The following MACROD2 variants were observed in gnomAD, a reference collection of about 807,000 sequenced individuals.
MACROD2 encodes the protein mono-ADP ribosylhydrolase 2, also known as ADP-ribose glycohydrolase MACROD2.
In MACROD2, 36 loss-of-function variants were observed where a neutral mutation model predicts 70.4. The ratio of observed to expected loss-of-function variants is 0.51; its 90% confidence interval spans 0.39 to 0.68. The LOEUF (loss-of-function observed/expected upper bound fraction) is 0.68. Among genes scored for constraint, MACROD2 ranks in the 30% least tolerant of loss-of-function variants. The pLI is 0.00. For missense variants in MACROD2, 496 were observed against 538.4 expected, an observed-to-expected ratio of 0.92 and a Z score of 0.78; for synonymous variants, 172 against 178.8, an observed-to-expected ratio of 0.96 and a Z score of 0.30.
At chr20:15,072,296 G>A (rs900080106) in intron 5 of MACROD2, among the ~76,000 whole-genome samples, 2 of 152,056 alleles carry the variant, frequency 1.3e-5, no homozygotes, top group African/African-American at 4.8e-5. Context: ...GCTTAGAATT[G>A]GCCTGGTATT....
chr20:14,943,964 A>G (rs2074410223), intron 5 of MACROD2, among the ~76,000 whole-genome samples: 1 of 152,160 alleles, frequency 6.6e-6, no homozygotes, highest in South Asian at 2.1e-4. Context: ...ACCATTCAGT[A>G]ATTTTACTAT....
chr20:14,767,269 G>A (rs1176414404), intron 5 of MACROD2, among the ~76,000 whole-genome samples: 1 of 151,990 alleles, frequency 6.6e-6, no homozygotes, highest in Non-Finnish European at 1.5e-5. Flanking sequence ...TTAAAATATA[G>A]TTGCCATGGT....
At chr20:14,771,320 G>A (rs2072162224) in intron 5 of MACROD2, among the ~76,000 whole-genome samples, 1 of 151,952 alleles carries the variant, frequency 6.6e-6, no homozygotes, top group East Asian at 1.9e-4. Flanking sequence ...TATTGGCTTT[G>A]CTTCTATGGA....
intron 5 of MACROD2, among the ~76,000 whole-genome samples, chr20:14,862,013 A>G (rs1320347663): frequency 3.9e-5 from 1 of 25,904 alleles, no homozygotes; most frequent in African/African-American, 1.7e-4. Context: ...ATTTATATAT[A>G]TATATTTATA....
At chr20:15,594,335 G>T (rs1167638165) in intron 8 of MACROD2, among the ~76,000 whole-genome samples, 2 of 152,020 alleles carry the variant, frequency 1.3e-5, no homozygotes, top group Non-Finnish European at 2.9e-5. Context: ...GAATTCCATG[G>T]TGTGGAATCT....
intron 5 of MACROD2, among the ~76,000 whole-genome samples, chr20:14,929,767 A>T (rs927586957): frequency 6.6e-6 from 1 of 152,088 alleles, no homozygotes; most frequent in African/African-American, 2.4e-5. Flanking sequence ...AGAGTAACAG[A>T]AGATGCTCTT....
At chr20:14,095,847 T>C (rs560922307) in intron 3 of MACROD2, among the ~76,000 whole-genome samples, 13 of 152,206 alleles carry the variant, frequency 8.5e-5, no homozygotes, top group Admixed American at 2.0e-4. Context: ...TCTGGAAACA[T>C]GGCCTACTGA....
chr20:15,258,309 G>T (rs978776104), intron 6 of MACROD2, among the ~76,000 whole-genome samples: 2 of 151,916 alleles, frequency 1.3e-5, no homozygotes, highest in Non-Finnish European at 2.9e-5. Context: ...TAATGTGTGA[G>T]GCCTTCACAC....
chr20:14,609,484 C>A, intron 4 of MACROD2, among the ~76,000 whole-genome samples: 1 of 151,954 alleles, frequency 6.6e-6, no homozygotes, highest in East Asian at 1.9e-4. Context: ...ACTTCTTTCC[C>A]CTTTTGTGTC....
At chr20:14,930,023 G>A (rs931706135) in intron 5 of MACROD2, among the ~76,000 whole-genome samples, 17 of 151,950 alleles carry the variant, frequency 1.1e-4, no homozygotes, top group Admixed American at 2.6e-4. Flanking sequence ...TTAGCCGGGC[G>A]TGGTGGCGGG....
Position 15,574,791 on chromosome 20 carries a change from A to C in MACROD2, c.645+74944A>C, listed in dbSNP as rs75326751. Among the ~76,000 whole-genome samples, 22 of 152,316 alleles carry C rather than the reference A, an allele frequency of 1.4e-4. No homozygotes were observed. The East Asian group carries it at 4.2e-3, about 29-fold the overall frequency. ...ATCTGAAGATGAAATGAATTTCATA[A>C]CTGGAAAATCCAGTTATCAGGCATG... On this transcript the variant is annotated intron_variant, in intron 8 of 17. Transcript: ENST00000684519.
At chr20:14,909,318 A>G (rs1014974576) in intron 5 of MACROD2, among the ~76,000 whole-genome samples, 4 of 152,110 alleles carry the variant, frequency 2.6e-5, no homozygotes, top group Admixed American at 6.5e-5. Context: ...GGTTAAGTGA[A>G]AGAATGGAGA....
chr20:14,040,962 T>C (rs1006058247), intron 2 of MACROD2, among the ~76,000 whole-genome samples: 8 of 152,128 alleles, frequency 5.3e-5, no homozygotes, highest in Non-Finnish European at 1.2e-4. Context: ...TTAGAAGGAG[T>C]ATACTTTGTT....
chr20:15,328,426 AT>A, intron 6 of MACROD2, among the ~76,000 whole-genome samples: 1 of 152,234 alleles, frequency 6.6e-6, no homozygotes, highest in East Asian at 1.9e-4. Flanking sequence ...AAACACTCTG[AT>A]TTATGTTTTC....
At chr20:14,245,058 G>A (rs188262709) in intron 3 of MACROD2, among the ~76,000 whole-genome samples, 32 of 152,162 alleles carry the variant, frequency 2.1e-4, no homozygotes, top group Non-Finnish European at 7.4e-5. Context: ...CTAAGACTAC[G>A]GAAGCTAACA....
intron 4 of MACROD2, among the ~76,000 whole-genome samples, chr20:14,569,916 A>C (rs535791050): frequency 6.6e-6 from 1 of 152,032 alleles, no homozygotes; most frequent in Non-Finnish European, 1.5e-5. Context: ...AGGAACTGAG[A>C]TTCTTTTCCT....
chr20:14,742,773 A>T (rs573404330), intron 5 of MACROD2, among the ~76,000 whole-genome samples: 269 of 146,540 alleles, frequency 1.8e-3, no homozygotes, highest in East Asian at 0.013. Flanking sequence ...ATTTTATTTT[A>T]TTTTTTTTTT....
intron 8 of MACROD2, among the ~76,000 whole-genome samples, chr20:15,753,872 A>G (rs2051308440): frequency 6.6e-6 from 1 of 152,162 alleles, no homozygotes; most frequent in African/African-American, 2.4e-5. Context: ...TTTTAAAGGA[A>G]TTTGTAATAA....
At chr20:14,633,177 T>C (rs995845291) in intron 4 of MACROD2, among the ~76,000 whole-genome samples, 5 of 152,224 alleles carry the variant, frequency 3.3e-5, no homozygotes, top group Admixed American at 6.5e-5. Flanking sequence ...CACGTTGCCT[T>C]CCCCTTATTT....
Sources: allele counts gnomAD v4.1 joint callset (sites outside exome capture counted in the v4.1 genomes callset), GRCh38; gene constraint gnomAD v4.1.1; transcripts MANE v1.5; gene names NCBI Gene and HGNC (gene_info 2026-07-23, HGNC 2026-07-21).